CAT: variants seen among roughly 807,000 people sequenced by gnomAD.
The protein encoded by CAT is epididymis secretory sperm binding protein.
Under a neutral mutation model 59.0 loss-of-function variants are expected in CAT, and 43 were observed. The observed-to-expected ratio is 0.73, with a 90% CI of 0.57 to 0.94. CAT has a LOEUF of 0.94. Among genes scored for constraint, CAT ranks in the 40% least tolerant of loss-of-function variants. The probability of loss-of-function intolerance (pLI) is 0.00; values close to 1 mark genes in which losing one functional copy is unlikely to be tolerated. For synonymous variants in CAT, 218 were observed against 230.9 expected, an observed-to-expected ratio of 0.94 and a Z score of 0.51; for missense variants, 664 against 682.9, an observed-to-expected ratio of 0.97 and a Z score of 0.31.
At chr11:34,459,660 G>A (rs1365350248) in intron 8 of CAT, among the ~76,000 whole-genome samples, 1 of 152,202 alleles carries the variant, frequency 6.6e-6, no homozygotes, top group Non-Finnish European at 1.5e-5. Context: ...TCAAGCTGGT[G>A]TCAGGGTATG....
At chr11:34,452,879 T>C (rs1248256743) in intron 4 of CAT, among the ~76,000 whole-genome samples, 1 of 151,276 alleles carries the variant, frequency 6.6e-6, no homozygotes, top group Non-Finnish European at 1.5e-5. Flanking sequence ...GAAAAGACTA[T>C]AGTTTTGAGT....
intron 1 of CAT, among the ~76,000 whole-genome samples, chr11:34,447,698 C>T (rs1856474336): frequency 6.6e-6 from 1 of 152,238 alleles, no homozygotes. Flanking sequence ...TTTGCTCCTT[C>T]TGCTGCGAGG....
chr11:34,444,218 T>C (rs974466203), intron 1 of CAT, among the ~76,000 whole-genome samples: 11 of 151,982 alleles, frequency 7.2e-5, no homozygotes, highest in Admixed American at 4.6e-4. Flanking sequence ...CTTAATACCA[T>C]AGGGAAGGGC....
chr11:34,458,841 G>A (rs540421126), intron 8 of CAT, among the ~76,000 whole-genome samples: 9 of 152,310 alleles, frequency 5.9e-5, no homozygotes, highest in East Asian at 3.9e-4. Context: ...AAGCAAATAC[G>A]TATTCTCTAC....
At chr11:34,469,167 C>A (rs928943507) in intron 11 of CAT, among the ~76,000 whole-genome samples, 2 of 152,148 alleles carry the variant, frequency 1.3e-5, no homozygotes, top group Non-Finnish European at 2.9e-5. Flanking sequence ...ATCTAGAAAT[C>A]CCCCTTTTTC....
chr11:34,452,881 GT>G lies in CAT; in HGVS notation c.481-205del, dbSNP rs367980478. Among the ~76,000 whole-genome samples the G allele has an allele frequency of 7.6e-4, 115 of 151,540 alleles. 1 individual carries two copies. The highest frequency in any genetic ancestry group is 2.6e-3 in the African/African-American group (108 of 41,344). Reference sequence around the variant, plus strand: ...AAAAAAAAAAAAAGAAAAGACTATAGTTTTGAGTATATTTGAAATACTTTAG... The same window carrying G: ...AAAAAAAAAAAAAGAAAAGACTATAGTTTGAGTATATTTGAAATACTTTAG... On this transcript the variant is annotated intron_variant, in intron 4 of 12. Transcript: ENST00000241052.
In CAT at chr11:34,439,071, G is replaced by A. The variant is rs1292908054; in HGVS notation, c.58G>A (p.Ala20Thr). 4 of 1,590,700 alleles carry A rather than the reference G, an allele frequency of 2.5e-6. No individual in the cohort carries two copies. The highest frequency in any genetic ancestry group is 3.4e-6 in the Non-Finnish European group (4 of 1,168,742). ...DQMQHWKEQR[A>T]AQKADVLTTG... ...GATGCAGCACTGGAAGGAGCAGCGGGCCGCGCAGGTACACTCTGTGCTCCC... is the reference window on the plus strand; with the variant it reads ...GATGCAGCACTGGAAGGAGCAGCGGACCGCGCAGGTACACTCTGTGCTCCC... The change falls in exon 1 of 13, where the codon GCC becomes ACC. Residue 20 changes from alanine to threonine, a missense_variant. Ala to Thr is a moderately conservative substitution (Grantham distance 58). Transcript: ENST00000241052.
In CAT at chr11:34,468,654, A is replaced by C. The variant is rs111795091; in HGVS notation, c.1434+259A>C. On this transcript the variant is annotated intron_variant, in intron 11 of 12. Coordinates refer to ENST00000241052, the MANE Select transcript of CAT (RefSeq NM_001752.4). The stretch of plus-strand genomic sequence containing the variant: ...TTGTGTTCAGACTGAATTTTGTCCT[A>C]TTCTGTTTAATTCAGCTGCAGCCAA... 5.5e-6 allele frequency: 3 copies of C among 542,392 alleles called. No homozygotes were observed. In the Admixed American group the frequency reaches 9.4e-5, roughly 17 times the overall value. 33.6% of individuals were successfully genotyped at this position (542,392 alleles called of 1,614,324 possible).
chr11:34,453,970 A>G (rs778092269), intron 6 of CAT, 44 bp downstream of exon 6: 3 of 1,599,164 alleles, frequency 1.9e-6, no homozygotes, highest in Middle Eastern at 1.7e-4. Flanking sequence ...CTCCTACCGC[A>G]TACCTCCTTA....
chr11:34,468,958 T>C (rs1207208303), intron 11 of CAT, among the ~76,000 whole-genome samples: 1 of 152,252 alleles, frequency 6.6e-6, no homozygotes, highest in Admixed American at 6.5e-5. Context: ...AAAGGCTTAA[T>C]GTCATAATAC....
chr11:34,441,879 C>A (rs935186915), intron 1 of CAT, among the ~76,000 whole-genome samples: 2 of 152,128 alleles, frequency 1.3e-5, no homozygotes, highest in Non-Finnish European at 2.9e-5. Flanking sequence ...TTAGGAAATA[C>A]CTAGGAGTAG....
At chr11:34,454,717 C>G (rs1311851616) in intron 6 of CAT, among the ~76,000 whole-genome samples, 1 of 152,150 alleles carries the variant, frequency 6.6e-6, no homozygotes. Flanking sequence ...TTTTATGAAA[C>G]AGTTGACCCA....
chr11:34,471,392 T>G lies in CAT; in HGVS notation c.1543T>G (p.Ser515Ala). The change falls in exon 13 of 13, where the codon TCC becomes GCC. Residue 515 changes from serine to alanine, a missense_variant. By Grantham distance (99) the Ser-to-Ala change is moderately conservative. Transcript: ENST00000241052. ...GAATGCGATTCACACCTTTGTGCAGTCCGGATCTCACTTGGCGGCAAGGGA... is the reference window on the plus strand; with the variant it reads ...GAATGCGATTCACACCTTTGTGCAGGCCGGATCTCACTTGGCGGCAAGGGA... ...PKNAIHTFVQ[S>A]GSHLAAREKA... is the part of the protein sequence containing the mutation. 1 of 1,614,000 alleles carries G rather than the reference T, an allele frequency of 6.2e-7. No individual in the cohort carries two copies. The highest frequency in any genetic ancestry group is 8.5e-7 in the Non-Finnish European group (1 of 1,179,856).
At chr11:34,466,729 C>T (rs529286216) in intron 10 of CAT, among the ~76,000 whole-genome samples, 32 of 135,358 alleles carry the variant, frequency 2.4e-4, no homozygotes, top group South Asian at 6.7e-4. Flanking sequence ...TGCAGTGAGC[C>T]GAGATCGCGC....
chr11:34,465,830 A>G (rs1317750883), intron 10 of CAT, among the ~76,000 whole-genome samples: 3 of 152,224 alleles, frequency 2.0e-5, no homozygotes, highest in Admixed American at 6.5e-5. Context: ...GGTAGGTAAA[A>G]TACATAAAGC....
chr11:34,456,949 G>T lies in CAT; in HGVS notation c.1056+132G>T, dbSNP rs554353599. 9 of 978,146 alleles carry T rather than the reference G, an allele frequency of 9.2e-6. No individual in the cohort carries two copies. The Admixed American group carries it at 1.8e-4, about 20-fold the overall frequency. The allele number at this position is 978,146 out of a possible 1,614,324, so 60.6% of individuals were successfully genotyped here. ...TACTTAAACTTTAATCTGGGTGCTT[G>T]GTTACCTTGTGGGATTCACTGAGGT... On this transcript the variant is annotated intron_variant, in intron 8 of 12. Coordinates refer to ENST00000241052, the MANE Select transcript of CAT (RefSeq NM_001752.4).
At chr11:34,471,300 A>G in intron 12 of CAT, 68 bp from the exon 13 acceptor site, 1 of 1,229,300 alleles carries the variant, frequency 8.1e-7, no homozygotes, top group Non-Finnish European at 1.2e-6. Flanking sequence ...ATACATATTA[A>G]AACTGAGTAA....
At position 34,438,966 on chromosome 11, in the gene CAT, C is replaced by T; in HGVS notation, c.-48C>T. On this transcript the variant is annotated 5_prime_UTR_variant, in exon 1 of 13. Coordinates refer to ENST00000241052, the MANE Select transcript of CAT (RefSeq NM_001752.4). ...AGATTTGCCTGCTGAGGGTGGAGAC[C>T]CACGAGCCGAGGCCTCCTGCAGTGT... 6 of 1,518,248 alleles carry T rather than the reference C, an allele frequency of 4.0e-6. No individual in the cohort carries two copies. The highest frequency in any genetic ancestry group is 5.4e-6 in the Non-Finnish European group (6 of 1,115,736). 94.0% of individuals were successfully genotyped at this position (1,518,248 alleles called of 1,614,324 possible). A position where few individuals can be genotyped will look rare whatever the true frequency, so the allele number is the denominator to read the frequency against.
chr11:34,471,095 G>A (rs927871890), intron 12 of CAT, 54 bp downstream of exon 12: 2 of 1,457,296 alleles, frequency 1.4e-6, no homozygotes, highest in South Asian at 1.1e-5. Context: ...GGTTGGAGTA[G>A]GCATGACTTA....
Sources: gnomAD v4.1 joint callset for allele counts (sites outside exome capture counted in the v4.1 genomes callset) on GRCh38, gnomAD v4.1.1 for gene constraint, MANE v1.5 for transcripts, NCBI Gene and HGNC (gene_info 2026-07-23, HGNC 2026-07-21) for gene names.